The following KSR2 variants were observed in gnomAD, a reference collection of about 807,000 sequenced individuals.
KSR2 encodes kinase suppressor of ras 2.
In KSR2, 25 loss-of-function variants were observed where a neutral mutation model predicts 107.8. The ratio of observed to expected loss-of-function variants is 0.23; its 90% CI spans 0.17 to 0.32. KSR2 has a LOEUF of 0.32. Ranked by LOEUF, KSR2 falls within the 10% of genes least tolerant of loss-of-function variation. The probability of loss-of-function intolerance (pLI) is 1.00; values close to 1 mark genes in which losing one functional copy is unlikely to be tolerated. For missense variants in KSR2, 887 were observed against 1,268.9 expected (o/e 0.70, Z 4.57); for synonymous variants, 480 against 507.0 (o/e 0.95, Z 0.71).
Position 117,907,504 on chromosome 12 carries a change from T to A in KSR2, c.181-47073A>T, listed in dbSNP as rs1894893565. On this transcript the variant is annotated intron_variant, in intron 1 of 19. Coordinates refer to ENST00000339824, the MANE Select transcript of KSR2 (RefSeq NM_173598.6). This position sits in a 1 kb window ranked among gnomAD's most constrained non-coding sequence, Gnocchi z 4.3. ...TCTCCCAACACCATCCGCTAACTAA[T>A]CTACGGGGCTGGATTGACGTCAGCC... Among the ~76,000 whole-genome samples, 1 of 152,130 alleles carries A rather than the reference T, an allele frequency of 6.6e-6. No homozygotes were observed.
At chr12:117,509,310 C>T (rs1410656529) in intron 14 of KSR2, among the ~76,000 whole-genome samples, 1 of 152,112 alleles carries the variant, frequency 6.6e-6, no homozygotes, top group Non-Finnish European at 1.5e-5. Flanking sequence ...TGATGGAAGG[C>T]CCAACCCTCT....
At chr12:117,583,832 G>A (rs1433804787) in intron 5 of KSR2, among the ~76,000 whole-genome samples, 5 of 152,132 alleles carry the variant, frequency 3.3e-5, no homozygotes, top group African/African-American at 4.8e-5. Flanking sequence ...GACCCTACAC[G>A]CCCGTTCTCA....
chr12:117,868,650 C>G lies in KSR2; in HGVS notation c.181-8219G>C, dbSNP rs567853290. Among the ~76,000 whole-genome samples, 210 of 152,146 alleles carry G rather than the reference C, an allele frequency of 1.4e-3. 1 individual carries two copies. Among genetic ancestry groups the G allele is most frequent in the African/African-American group, 4.9e-3 (204 of 41,524 alleles). ...AATCACACAGCTAGTAAGTGCAGAG[C>G]CGAGATTCAAACCCAGTCTAATTCA... On this transcript the variant is annotated intron_variant, in intron 1 of 19. Coordinates refer to ENST00000339824, the MANE Select transcript of KSR2 (RefSeq NM_173598.6).
chr12:117,641,765 T>C (rs139861569), intron 5 of KSR2, among the ~76,000 whole-genome samples: 4 of 152,236 alleles, frequency 2.6e-5, no homozygotes, highest in African/African-American at 7.2e-5. Flanking sequence ...GTAGCAGAAG[T>C]TGCCCTTGAA....
intron 4 of KSR2, among the ~76,000 whole-genome samples, chr12:117,699,595 A>G (rs1886217304): frequency 6.6e-6 from 1 of 152,212 alleles, no homozygotes; most frequent in South Asian, 2.1e-4. Flanking sequence ...AACATAGAAA[A>G]GGTACAGGCA....
At chr12:117,896,332 T>C (rs58881933) in intron 1 of KSR2, among the ~76,000 whole-genome samples, 15,402 of 152,072 alleles carry the variant, frequency 0.1, 1,290 homozygotes, top group African/African-American at 0.24. Flanking sequence ...GATAAATACA[T>C]GGAGACAAGA....
chr12:117,862,404 A>G (rs1893331119), intron 1 of KSR2, among the ~76,000 whole-genome samples: 1 of 152,124 alleles, frequency 6.6e-6, no homozygotes, highest in African/African-American at 2.4e-5. Context: ...CGTGGCTCAC[A>G]CCTGTAACCC....
intron 1 of KSR2, among the ~76,000 whole-genome samples, chr12:117,912,464 T>C (rs1895044709): frequency 1.3e-5 from 2 of 152,228 alleles, no homozygotes; most frequent in Admixed American, 6.5e-5. Flanking sequence ...AAGAACCGTG[T>C]TATAATTCGT....
intron 5 of KSR2, among the ~76,000 whole-genome samples, chr12:117,656,979 AG>A (rs1419395609): frequency 1.1e-4 from 6 of 56,034 alleles, no homozygotes; most frequent in Non-Finnish European, 1.2e-4. Context: ...TATATATAAT[AG>A]GATATATATA....
At chr12:117,831,529 G>T (rs1891967324) in intron 3 of KSR2, among the ~76,000 whole-genome samples, 1 of 152,182 alleles carries the variant, frequency 6.6e-6, no homozygotes, top group Non-Finnish European at 1.5e-5. Flanking sequence ...AAGCAAGGGG[G>T]AGAAAAATCC....
intron 5 of KSR2, among the ~76,000 whole-genome samples, chr12:117,633,482 G>A (rs1231618157): frequency 6.6e-6 from 1 of 152,210 alleles, no homozygotes; most frequent in Non-Finnish European, 1.5e-5. Flanking sequence ...TAAAACAACA[G>A]ATATTTATTC....
At chr12:117,646,239 C>CA (rs1482188740) in intron 5 of KSR2, among the ~76,000 whole-genome samples, 4 of 152,020 alleles carry the variant, frequency 2.6e-5, no homozygotes, top group Non-Finnish European at 1.5e-5. Context: ...ATGTAAAATC[C>CA]ATGAATACAG....
chr12:117,849,411 A>C (rs1453163587), intron 3 of KSR2, among the ~76,000 whole-genome samples: 1 of 152,184 alleles, frequency 6.6e-6, no homozygotes, highest in African/African-American at 2.4e-5. Context: ...AATTTCGTTG[A>C]ATGAGTGAAT....
At chr12:117,947,254 A>AAAGAAAGAAAGG (rs1896227470) in intron 1 of KSR2, among the ~76,000 whole-genome samples, 1 of 124,698 alleles carries the variant, frequency 8.0e-6, no homozygotes, top group Non-Finnish European at 1.7e-5. Context: ...AGAAAGAAAG[A>AAAGAAAGAAAGG]AAGAAGATAA....
chr12:117,909,925 A>T (rs1894965321), intron 1 of KSR2, among the ~76,000 whole-genome samples: 1 of 151,796 alleles, frequency 6.6e-6, no homozygotes, highest in African/African-American at 2.4e-5. Context: ...GAAAAAAAAA[A>T]GATTATCTCA....
chr12:117,843,620 G>A (rs1892582391), intron 3 of KSR2, among the ~76,000 whole-genome samples: 1 of 152,196 alleles, frequency 6.6e-6, no homozygotes, highest in Non-Finnish European at 1.5e-5. Context: ...AAGGCAATGG[G>A]GAACAGAGGC....
chr12:117,854,239 A>C (rs1269448431), intron 3 of KSR2, among the ~76,000 whole-genome samples: 2 of 151,958 alleles, frequency 1.3e-5, no homozygotes, highest in African/African-American at 4.8e-5. Flanking sequence ...ATTCCTGAGC[A>C]CAAGAGATCC....
In KSR2 at chr12:117,874,792, A is replaced by G. The variant is rs936616408; in HGVS notation, c.181-14361T>C. Among the ~76,000 whole-genome samples, 5 of 152,100 alleles carry G rather than the reference A, an allele frequency of 3.3e-5. No homozygotes were observed. The East Asian group carries it at 9.6e-4, about 29-fold the overall frequency. On this transcript the variant is annotated intron_variant, in intron 1 of 19. Coordinates refer to ENST00000339824, the MANE Select transcript of KSR2 (RefSeq NM_173598.6). The stretch of plus-strand genomic sequence containing the variant: ...TTTAGGTCGACCTCAATTCAAGTCC[A>G]TGCAGAGCCAAACTGAAGAAGAAGA...
intron 5 of KSR2, among the ~76,000 whole-genome samples, chr12:117,655,033 G>A (rs1308213719): frequency 6.6e-6 from 1 of 152,184 alleles, no homozygotes. Flanking sequence ...CCAACACTGA[G>A]CCCTCGATAT....
Sources: allele counts gnomAD v4.1 joint callset (sites outside exome capture counted in the v4.1 genomes callset), GRCh38; gene constraint gnomAD v4.1.1; non-coding constraint Gnocchi (gnomAD v3.1); transcripts MANE v1.5; gene names NCBI Gene and HGNC (gene_info 2026-07-23, HGNC 2026-07-21).